Variants in TRMT11 observed in about 807,000 individuals in gnomAD.
TRMT11 encodes tRNA methyltransferase 11.
In TRMT11, 53 loss-of-function variants were observed where a neutral mutation model predicts 62.8. The observed-to-expected ratio is 0.84, with a 90% CI of 0.68 to 1.06. The LOEUF (loss-of-function observed/expected upper bound fraction) is 1.06. Among genes scored for constraint, TRMT11 ranks in the 50% least tolerant of loss-of-function variants. The pLI, the probability that TRMT11 is intolerant of heterozygous loss-of-function variation, is 0.00. For synonymous variants in TRMT11, 188 were observed against 190.3 expected (o/e 0.99, Z 0.10); for missense variants, 556 against 553.4 (o/e 1.00, Z -0.05).
At chr6:126,068,616 C>T (rs1776757127) in intron 17 of TRMT11, among the ~76,000 whole-genome samples, 1 of 152,150 alleles carries the variant, frequency 6.6e-6, no homozygotes, top group Non-Finnish European at 1.5e-5. Flanking sequence ...TGTGCCAGTA[C>T]CACATTGTTT....
At chr6:126,238,786 G>A in the TRMT11 span, among the ~76,000 whole-genome samples, 9 of 152,144 alleles carry the variant, frequency 5.9e-5, no homozygotes, top group Non-Finnish European at 1.3e-4. Context: ...CTGTCTCATT[G>A]ATCTATCCAA....
chr6:126,053,920 G>A (rs1297583357), intron 17 of TRMT11, among the ~76,000 whole-genome samples: 1 of 152,158 alleles, frequency 6.6e-6, no homozygotes, highest in Non-Finnish European at 1.5e-5. Context: ...GCGGGAAGGG[G>A]GATTCCAGGC....
chr6:126,092,716 G>C (rs564537699), intron 17 of TRMT11, among the ~76,000 whole-genome samples: 20 of 152,204 alleles, frequency 1.3e-4, no homozygotes, highest in African/African-American at 4.6e-4. Flanking sequence ...ATGATATTTG[G>C]AATCCATGGC....
chr6:126,145,931 G>A (rs1178684917), intron 21 of TRMT11, among the ~76,000 whole-genome samples: 1 of 152,116 alleles, frequency 6.6e-6, no homozygotes, highest in Admixed American at 6.5e-5. Context: ...TGGACCAAAG[G>A]TTCATATTAA....
the TRMT11 span, among the ~76,000 whole-genome samples, chr6:126,246,073 G>T: frequency 1.3e-5 from 2 of 152,078 alleles, no homozygotes; most frequent in Non-Finnish European, 1.5e-5. Flanking sequence ...TTGAGCCCAG[G>T]AGTTTGAGAC....
At chr6:126,093,841 G>T (rs1469048524) in intron 17 of TRMT11, among the ~76,000 whole-genome samples, 1 of 151,404 alleles carries the variant, frequency 6.6e-6, no homozygotes, top group African/African-American at 2.4e-5. Context: ...TAGGGAATAA[G>T]ATTAGCCTAT....
intron 17 of TRMT11, among the ~76,000 whole-genome samples, chr6:126,069,114 A>T (rs1311451613): frequency 6.6e-6 from 1 of 152,252 alleles, no homozygotes; most frequent in African/African-American, 2.4e-5. Context: ...GTCACAGAAG[A>T]TGCTCAGTAA....
chr6:126,071,333 T>G (rs552004270), intron 17 of TRMT11, among the ~76,000 whole-genome samples: 1 of 152,310 alleles, frequency 6.6e-6, no homozygotes, highest in South Asian at 2.1e-4. Context: ...CCATTGGCAT[T>G]CATGTCCTGG....
At chr6:126,244,485 T>C in the TRMT11 span, among the ~76,000 whole-genome samples, 5 of 152,158 alleles carry the variant, frequency 3.3e-5, no homozygotes, top group African/African-American at 1.2e-4. Context: ...TCAAAAGTTA[T>C]GATTGAAATG....
intron 17 of TRMT11, among the ~76,000 whole-genome samples, chr6:126,098,742 C>T (rs1777365649): frequency 6.6e-6 from 1 of 152,164 alleles, no homozygotes; most frequent in South Asian, 2.1e-4. Context: ...GTGACATTCC[C>T]TTACTCTAGT....
At chr6:126,092,524 G>A (rs745959091) in intron 17 of TRMT11, among the ~76,000 whole-genome samples, 4 of 152,146 alleles carry the variant, frequency 2.6e-5, no homozygotes, top group South Asian at 2.1e-4. Flanking sequence ...CCCACAACAC[G>A]TGGGAATTAT....
intron 21 of TRMT11, among the ~76,000 whole-genome samples, chr6:126,162,470 T>C (rs1778202604): frequency 6.6e-6 from 1 of 152,258 alleles, no homozygotes; most frequent in African/African-American, 2.4e-5. Flanking sequence ...TGTAGCCTTG[T>C]AGTATAGTTT....
the TRMT11 span, among the ~76,000 whole-genome samples, chr6:126,211,412 C>T: frequency 6.6e-6 from 1 of 152,144 alleles, no homozygotes; most frequent in Admixed American, 6.5e-5. Context: ...CCATCATTTT[C>T]TTTCCATCTC....
At chr6:126,069,205 G>A (rs933726800) in intron 17 of TRMT11, among the ~76,000 whole-genome samples, 9 of 152,210 alleles carry the variant, frequency 5.9e-5, no homozygotes, top group African/African-American at 2.2e-4. Context: ...GCTGAACCAG[G>A]CCATAAATGT....
the TRMT11 span, among the ~76,000 whole-genome samples, chr6:126,218,031 T>G: frequency 6.6e-6 from 1 of 152,254 alleles, no homozygotes; most frequent in East Asian, 1.9e-4. Context: ...TGGCAACCAG[T>G]GCCCAAGGCC....
the TRMT11 span, among the ~76,000 whole-genome samples, chr6:126,269,031 G>A: frequency 1.3e-5 from 2 of 151,764 alleles, no homozygotes; most frequent in African/African-American, 4.8e-5. Flanking sequence ...GGAGGCCGAG[G>A]CGGGCGGATC....
chr6:126,061,513 T>C (rs1240702580), intron 17 of TRMT11, among the ~76,000 whole-genome samples: 6 of 151,874 alleles, frequency 4.0e-5, no homozygotes, highest in African/African-American at 1.5e-4. Context: ...TGCATGACAG[T>C]TCTCAGAATG....
intron 17 of TRMT11, among the ~76,000 whole-genome samples, chr6:126,061,240 C>G (rs963146412): frequency 6.6e-6 from 1 of 152,212 alleles, no homozygotes; most frequent in Non-Finnish European, 1.5e-5. Flanking sequence ...TTTATTTTAA[C>G]AAGATGCCCG....
the TRMT11 span, among the ~76,000 whole-genome samples, chr6:126,248,904 G>A: frequency 2.0e-5 from 3 of 151,994 alleles, no homozygotes; most frequent in African/African-American, 7.2e-5. Flanking sequence ...TTTTTACATC[G>A]AAAGAAATCC....
Sources: gnomAD v4.1 joint callset for allele counts (sites outside exome capture counted in the v4.1 genomes callset) on GRCh38, gnomAD v4.1.1 for gene constraint, MANE v1.5 for transcripts, NCBI Gene and HGNC (gene_info 2026-07-23, HGNC 2026-07-21) for gene names.